Variants in KCNQ5 observed in about 807,000 individuals in gnomAD.
The protein encoded by KCNQ5 is potassium voltage-gated channel subfamily Q member 5.
A neutral mutation model predicts 98.2 loss-of-function variants in KCNQ5; 30 were observed. The observed-to-expected ratio is 0.31, with a 90% CI of 0.23 to 0.41. The LOEUF is 0.41. Among genes scored for constraint, KCNQ5 ranks in the 10% least tolerant of loss-of-function variants. The probability of loss-of-function intolerance (pLI) is 1.00; values close to 1 mark genes in which losing one functional copy is unlikely to be tolerated. For missense variants in KCNQ5, 835 were observed against 1,182.5 expected (o/e 0.71, Z 4.31); for synonymous variants, 458 against 449.4 (o/e 1.02, Z -0.24).
chr6:72,935,964 T>C (rs1765897230), intron 1 of KCNQ5, among the ~76,000 whole-genome samples: 1 of 152,158 alleles, frequency 6.6e-6, no homozygotes, highest in Admixed American at 6.5e-5. Flanking sequence ...TCTTCCCTCC[T>C]AGGAGAACCC....
In KCNQ5 at chr6:73,197,577, GCATACACACACACACACACA is replaced by G. The variant is rs1343079112; in HGVS notation, c.*2166_*2185del. On this transcript the variant is annotated 3_prime_UTR_variant, in exon 14 of 14. Transcript: ENST00000370398. ...TGTGATTCCCCCTTGCAAGAATGTT[GCATACACACACACACACACA>G]CACACACACACACACACACACACAC... 9.4e-6 allele frequency: 1 copy of G among 106,934 alleles called. No individual in the cohort carries two copies. The highest frequency in any genetic ancestry group is 3.5e-5 in the African/African-American group (1 of 28,362). 6.6% of individuals were successfully genotyped at this position (106,934 alleles called of 1,614,324 possible). A position where few individuals can be genotyped will look rare whatever the true frequency, so the allele number is the denominator to read the frequency against.
At chr6:73,020,987 A>C (rs1399148781) in intron 2 of KCNQ5, among the ~76,000 whole-genome samples, 1 of 152,086 alleles carries the variant, frequency 6.6e-6, no homozygotes, top group African/African-American at 2.4e-5. Flanking sequence ...TTTCATGCAC[A>C]CTGTCTCTGT....
chr6:72,777,252 A>G (rs1773204987), intron 1 of KCNQ5, among the ~76,000 whole-genome samples: 2 of 152,252 alleles, frequency 1.3e-5, no homozygotes, highest in East Asian at 3.8e-4. Context: ...TTCGAGAAGG[A>G]CAAGACATTA....
chr6:72,922,027 A>G (rs1263732473), intron 1 of KCNQ5, among the ~76,000 whole-genome samples: 1 of 152,176 alleles, frequency 6.6e-6, no homozygotes, highest in Non-Finnish European at 1.5e-5. Flanking sequence ...AAGAAAATCC[A>G]TTTACTTACA....
intron 2 of KCNQ5, among the ~76,000 whole-genome samples, chr6:73,016,311 T>C (rs1364769249): frequency 6.6e-6 from 1 of 151,996 alleles, no homozygotes; most frequent in South Asian, 2.1e-4. Flanking sequence ...GCATACCTGG[T>C]GAGACAAGGA....
At chr6:73,090,057 A>G (rs1774170850) in intron 5 of KCNQ5, among the ~76,000 whole-genome samples, 1 of 152,230 alleles carries the variant, frequency 6.6e-6, no homozygotes, top group South Asian at 2.1e-4. Context: ...TGTTCACCGC[A>G]TCTCCACCAA....
chr6:73,182,722 C>T (rs1456885760), intron 11 of KCNQ5, among the ~76,000 whole-genome samples: 1 of 152,158 alleles, frequency 6.6e-6, no homozygotes, highest in Non-Finnish European at 1.5e-5. Context: ...CTGCAAGTAA[C>T]AAGATAATGG....
At chr6:73,055,462 G>T (rs1214620288) in intron 3 of KCNQ5, 2 of 1,551,770 alleles carry the variant, frequency 1.3e-6, no homozygotes, top group African/African-American at 1.4e-5. Context: ...CACCACCTCC[G>T]ATGGAGCCCT....
chr6:72,830,342 G>A (rs555985353), intron 1 of KCNQ5, among the ~76,000 whole-genome samples: 1 of 152,072 alleles, frequency 6.6e-6, no homozygotes, highest in South Asian at 2.1e-4. Flanking sequence ...TATACTACAA[G>A]GCTACAGTAA....
chr6:73,115,484 T>C (rs1260592310), intron 7 of KCNQ5, among the ~76,000 whole-genome samples: 1 of 152,012 alleles, frequency 6.6e-6, no homozygotes, highest in Non-Finnish European at 1.5e-5. Flanking sequence ...ACCAAGATTA[T>C]CACAGTAAAA....
At chr6:72,772,210 A>G (rs1372512096) in intron 1 of KCNQ5, among the ~76,000 whole-genome samples, 1 of 152,144 alleles carries the variant, frequency 6.6e-6, no homozygotes, top group Non-Finnish European at 1.5e-5. Context: ...CATATCTTTT[A>G]AAATACTTAC....
chr6:72,790,601 G>C (rs1773987505), intron 1 of KCNQ5, among the ~76,000 whole-genome samples: 1 of 152,132 alleles, frequency 6.6e-6, no homozygotes, highest in Admixed American at 6.5e-5. Context: ...GTGTTTGTTA[G>C]TGCAACAGGG....
intron 1 of KCNQ5, among the ~76,000 whole-genome samples, chr6:72,910,801 G>A (rs1418312284): frequency 6.6e-6 from 1 of 152,150 alleles, no homozygotes; most frequent in Non-Finnish European, 1.5e-5. Flanking sequence ...AAAGAGGGAA[G>A]CATGAATCTG....
At chr6:72,771,444 C>T (rs1279525226) in intron 1 of KCNQ5, among the ~76,000 whole-genome samples, 2 of 152,192 alleles carry the variant, frequency 1.3e-5, no homozygotes, top group Admixed American at 6.6e-5. Flanking sequence ...TTTCTCCACA[C>T]CAACACTTGT....
At chr6:73,131,549 A>G (rs1160875536) in intron 9 of KCNQ5, among the ~76,000 whole-genome samples, 2 of 152,072 alleles carry the variant, frequency 1.3e-5, no homozygotes, top group Admixed American at 6.5e-5. Flanking sequence ...AATTTAAATT[A>G]TGGAACAGAT....
At chr6:73,047,166 G>T (rs912237022) in intron 3 of KCNQ5, among the ~76,000 whole-genome samples, 1 of 152,134 alleles carries the variant, frequency 6.6e-6, no homozygotes, top group Admixed American at 6.5e-5. Flanking sequence ...TCATCAACTT[G>T]TAAACAGAAG....
chr6:72,921,979 T>G (rs1404853123), intron 1 of KCNQ5, among the ~76,000 whole-genome samples: 1 of 152,202 alleles, frequency 6.6e-6, no homozygotes, highest in Non-Finnish European at 1.5e-5. Context: ...TAATGAATGT[T>G]CCTCCAAAAA....
intron 1 of KCNQ5, among the ~76,000 whole-genome samples, chr6:72,669,276 T>C (rs750933929): frequency 4.0e-4 from 61 of 152,268 alleles, no homozygotes; most frequent in Admixed American, 8.5e-4. Flanking sequence ...AGTTATAGGA[T>C]AGACGTTCCC....
intron 2 of KCNQ5, among the ~76,000 whole-genome samples, chr6:73,009,525 A>G (rs1769967733): frequency 6.6e-6 from 1 of 152,206 alleles, no homozygotes; most frequent in African/African-American, 2.4e-5. Context: ...AGAACAAAGG[A>G]AACAGTAAAC....
Sources: gnomAD v4.1 joint callset for allele counts (sites outside exome capture counted in the v4.1 genomes callset) on GRCh38, gnomAD v4.1.1 for gene constraint, MANE v1.5 for transcripts, NCBI Gene and HGNC (gene_info 2026-07-23, HGNC 2026-07-21) for gene names.